Variants in TBC1D4 observed in about 807,000 individuals in gnomAD.
TBC1D4 encodes TBC1 domain family member 4.
TBC1D4 carries 121 observed loss-of-function variants against 142.5 expected under a neutral mutation model. The observed-to-expected ratio is 0.85, with a 90% CI of 0.73 to 0.99. The LOEUF is 0.99. Among genes scored for constraint, TBC1D4 ranks in the 50% least tolerant of loss-of-function variants. The pLI, the probability that TBC1D4 is intolerant of heterozygous loss-of-function variation, is 0.00. For synonymous variants in TBC1D4, 630 were observed against 628.2 expected, an observed-to-expected ratio of 1.00 and a Z score of -0.04; for missense variants, 1,475 against 1,606.6, an observed-to-expected ratio of 0.92 and a Z score of 1.40.
chr13:75,309,168 AAAATAAT>A (rs953711642), intron 14 of TBC1D4, among the ~76,000 whole-genome samples: 1 of 152,170 alleles, frequency 6.6e-6, no homozygotes, highest in African/African-American at 2.4e-5. Context: ...TGATTTTCCC[AAAATAAT>A]GAAATTTATA....
At chr13:75,391,038 ACAC>A in intron 1 of TBC1D4, among the ~76,000 whole-genome samples, 1 of 58,050 alleles carries the variant, frequency 1.7e-5, no homozygotes, top group Non-Finnish European at 5.1e-5. Context: ...CCCACCACAC[ACAC>A]ACACACACAC....
At chr13:75,355,583 T>C (rs1320791372) in intron 4 of TBC1D4, among the ~76,000 whole-genome samples, 2 of 152,156 alleles carry the variant, frequency 1.3e-5, no homozygotes, top group Non-Finnish European at 2.9e-5. Context: ...GGGGACATAA[T>C]GCCTTGAACT....
At chr13:75,361,006 C>G (rs1159278457) in intron 2 of TBC1D4, among the ~76,000 whole-genome samples, 3 of 152,130 alleles carry the variant, frequency 2.0e-5, no homozygotes, top group Non-Finnish European at 4.4e-5. Context: ...TTCTTTCCCC[C>G]CAAGGAAACT....
chr13:75,419,394 C>T (rs1264474109), intron 1 of TBC1D4, among the ~76,000 whole-genome samples: 2 of 152,082 alleles, frequency 1.3e-5, no homozygotes, highest in African/African-American at 4.8e-5. Flanking sequence ...ATGTATGTAT[C>T]TAGTAAGGAT....
intron 15 of TBC1D4, among the ~76,000 whole-genome samples, chr13:75,304,839 A>G (rs1381798590): frequency 1.3e-5 from 2 of 152,246 alleles, no homozygotes; most frequent in East Asian, 1.9e-4. Flanking sequence ...CATTCCATGC[A>G]AGAAATAGCA....
chr13:75,361,443 C>T (rs1882496607), intron 2 of TBC1D4, among the ~76,000 whole-genome samples: 1 of 152,142 alleles, frequency 6.6e-6, no homozygotes, highest in South Asian at 2.1e-4. Flanking sequence ...TGCAGGGGGT[C>T]AATCTCAGCT....
intron 15 of TBC1D4, among the ~76,000 whole-genome samples, chr13:75,303,055 T>C (rs934228107): frequency 5.9e-5 from 9 of 152,172 alleles, no homozygotes. Flanking sequence ...CGGTGGCTCA[T>C]GCCTGTAATC....
intron 7 of TBC1D4, among the ~76,000 whole-genome samples, chr13:75,338,907 C>T (rs1880445464): frequency 6.6e-6 from 1 of 152,226 alleles, no homozygotes; most frequent in Admixed American, 6.5e-5. Context: ...CCTCTCCCTT[C>T]CTTTACAGAT....
At chr13:75,326,939 G>A (rs546298368) in intron 9 of TBC1D4, among the ~76,000 whole-genome samples, 55 of 152,208 alleles carry the variant, frequency 3.6e-4, no homozygotes, top group Admixed American at 1.1e-3. Flanking sequence ...AAAGCCTTCC[G>A]GAAAATAAAG....
intron 18 of TBC1D4, among the ~76,000 whole-genome samples, chr13:75,293,016 G>A (rs1875502096): frequency 6.6e-6 from 1 of 152,062 alleles, no homozygotes; most frequent in Non-Finnish European, 1.5e-5. Flanking sequence ...TTAGCTGAGT[G>A]TGGTGGCACA....
chr13:75,456,596 G>C (rs1418608299), intron 1 of TBC1D4, among the ~76,000 whole-genome samples: 1 of 151,880 alleles, frequency 6.6e-6, no homozygotes, highest in Non-Finnish European at 1.5e-5. Context: ...ACCTCCATGA[G>C]ATACAAATAC....
intron 1 of TBC1D4, among the ~76,000 whole-genome samples, chr13:75,385,466 G>C (rs1298243326): frequency 6.6e-6 from 1 of 152,212 alleles, no homozygotes; most frequent in African/African-American, 2.4e-5. Context: ...CATATGAGAA[G>C]ACAGTATTAA....
intron 1 of TBC1D4, among the ~76,000 whole-genome samples, chr13:75,472,278 G>C (rs927770332): frequency 6.9e-6 from 1 of 144,574 alleles, no homozygotes; most frequent in Non-Finnish European, 1.5e-5. Flanking sequence ...AATTAGCTGG[G>C]TGTGCTGGCA....
intron 1 of TBC1D4, among the ~76,000 whole-genome samples, chr13:75,368,810 G>A (rs868212489): frequency 1.1e-4 from 16 of 152,070 alleles, no homozygotes; most frequent in Admixed American, 8.5e-4. Context: ...AGGCTGAGGC[G>A]AGGTAGGTGG....
intron 5 of TBC1D4, 111 bp downstream of exon 5, chr13:75,349,059 G>C: frequency 6.5e-7 from 1 of 1,537,974 alleles, no homozygotes; most frequent in Admixed American, 1.7e-5. Context: ...ATGATTCTTT[G>C]GGTTCTTGTT....
At chr13:75,422,226 T>C (rs1051183198) in intron 1 of TBC1D4, among the ~76,000 whole-genome samples, 30 of 152,206 alleles carry the variant, frequency 2.0e-4, no homozygotes, top group Admixed American at 2.0e-4. Flanking sequence ...ATGGAGTTCC[T>C]TGTCATTTTG....
Position 75,302,483 on chromosome 13 carries a change from T to C in TBC1D4, c.2753-82A>G. ...TCCCAGCTGATTCACTATATAATTC[T>C]GGTAAACAGGCAGCTGTATGTACTG... On this transcript the variant is annotated intron_variant, in intron 15 of 20. Transcript: ENST00000377636. 1.9e-6 allele frequency: 3 copies of C among 1,547,824 alleles called. No homozygotes were observed. The South Asian group carries it at 3.4e-5, about 18-fold the overall frequency.
chr13:75,304,995 G>A (rs1400861697), intron 15 of TBC1D4, among the ~76,000 whole-genome samples: 3 of 152,174 alleles, frequency 2.0e-5, no homozygotes, highest in Non-Finnish European at 2.9e-5. Context: ...ATCTTGAACT[G>A]TAGCTCCCAT....
At chr13:75,313,518 T>C (rs1877987909) in intron 12 of TBC1D4, among the ~76,000 whole-genome samples, 1 of 152,192 alleles carries the variant, frequency 6.6e-6, no homozygotes, top group Non-Finnish European at 1.5e-5. Flanking sequence ...TCTTTTTATA[T>C]TTTTATTGAC....
Sources: gnomAD v4.1 joint callset for allele counts (sites outside exome capture counted in the v4.1 genomes callset) on GRCh38, gnomAD v4.1.1 for gene constraint, MANE v1.5 for transcripts, NCBI Gene and HGNC (gene_info 2026-07-23, HGNC 2026-07-21) for gene names.